PSEN1: variants seen among roughly 807,000 people sequenced by gnomAD.
The protein encoded by PSEN1 is presenilin 1.
A neutral mutation model predicts 53.5 loss-of-function variants in PSEN1; 15 were observed. The observed-to-expected ratio is 0.28, with a 90% CI of 0.19 to 0.43. The LOEUF (loss-of-function observed/expected upper bound fraction) is 0.43. Among genes scored for constraint, PSEN1 ranks in the 20% least tolerant of loss-of-function variants. PSEN1 has a pLI of 1.00. For synonymous variants in PSEN1, 208 were observed against 209.8 expected, an observed-to-expected ratio of 0.99 and a Z score of 0.08; for missense variants, 387 against 571.2, an observed-to-expected ratio of 0.68 and a Z score of 3.29.
At chr14:73,203,499 A>AG (rs1249628191) in intron 8 of PSEN1, among the ~76,000 whole-genome samples, 1 of 152,204 alleles carries the variant, frequency 6.6e-6, no homozygotes, top group Non-Finnish European at 1.5e-5. Context: ...TTTTCCCTGA[A>AG]GTGGATATAA....
chr14:73,201,239 C>T (rs973247483), intron 8 of PSEN1, among the ~76,000 whole-genome samples: 11 of 152,038 alleles, frequency 7.2e-5, no homozygotes, highest in Non-Finnish European at 1.5e-4. Context: ...AGGCACACGC[C>T]GCCACGCCCG....
chr14:73,195,723 A>G (rs1898913109), intron 7 of PSEN1, among the ~76,000 whole-genome samples: 1 of 152,048 alleles, frequency 6.6e-6, no homozygotes, highest in Non-Finnish European at 1.5e-5. Flanking sequence ...TCCCGAGTAG[A>G]TAAGACTACA....
intron 9 of PSEN1, among the ~76,000 whole-genome samples, chr14:73,209,204 G>A (rs1051100179): frequency 6.6e-6 from 1 of 152,200 alleles, no homozygotes; most frequent in African/African-American, 2.4e-5. Context: ...CACCAACTCA[G>A]AAGGGGGCAG....
chr14:73,152,979 G>A (rs1433712017), intron 3 of PSEN1, among the ~76,000 whole-genome samples: 1 of 152,184 alleles, frequency 6.6e-6, no homozygotes, highest in African/African-American at 2.4e-5. Context: ...TCACCTGGGA[G>A]GTCAAAGCTG....
At chr14:73,144,128 C>T (rs957832137) in intron 1 of PSEN1, among the ~76,000 whole-genome samples, 3 of 145,064 alleles carry the variant, frequency 2.1e-5, no homozygotes, top group Admixed American at 1.4e-4. Context: ...GCAACCTCTG[C>T]CTCCTGGGTT....
rs1021454308 is a variant in PSEN1, at chr14:73,220,332, T to C, written c.*1043T>C. On this transcript the variant is annotated 3_prime_UTR_variant, in exon 12 of 12. Transcript: ENST00000324501. ...TGCTGTCAGCCCTGCTGTCAGACCT[T>C]CTTCCACAGCAAATGAGATGTATGC... 2.0e-5 allele frequency: 3 copies of C among 152,564 alleles called. No homozygotes were observed. Among genetic ancestry groups the C allele is most frequent in the African/African-American group, 7.3e-5 (3 of 41,362 alleles). 9.5% of individuals were successfully genotyped at this position (152,564 alleles called of 1,614,324 possible).
At chr14:73,181,617 A>G (rs1053414988) in intron 5 of PSEN1, among the ~76,000 whole-genome samples, 5 of 152,218 alleles carry the variant, frequency 3.3e-5, no homozygotes, top group African/African-American at 7.2e-5. Context: ...ATATTTTCAA[A>G]TAATATTTGG....
intron 7 of PSEN1, among the ~76,000 whole-genome samples, chr14:73,193,967 T>C (rs1387601006): frequency 1.3e-5 from 2 of 152,148 alleles, no homozygotes; most frequent in East Asian, 1.9e-4. Context: ...TCAATTCACT[T>C]TTAAAATCAA....
chr14:73,214,998 G>A (rs561056495), intron 10 of PSEN1, among the ~76,000 whole-genome samples: 69 of 152,048 alleles, frequency 4.5e-4, no homozygotes, highest in African/African-American at 1.6e-3. Flanking sequence ...AATTTCGCTC[G>A]TTGCCTAGGG....
intron 11 of PSEN1, among the ~76,000 whole-genome samples, chr14:73,218,078 G>A (rs1274548257): frequency 4.2e-5 from 6 of 142,992 alleles, no homozygotes; most frequent in East Asian, 2.0e-4. Flanking sequence ...GTGAGCCACC[G>A]CACCTGGCTT....
At chr14:73,205,462 G>A (rs1417418587) in intron 8 of PSEN1, among the ~76,000 whole-genome samples, 1 of 133,554 alleles carries the variant, frequency 7.5e-6, no homozygotes, top group Non-Finnish European at 1.5e-5. Context: ...CTGGGTGACA[G>A]AGCAAGACTC....
chr14:73,214,163 A>T (rs1899814927), intron 10 of PSEN1, among the ~76,000 whole-genome samples: 3 of 151,994 alleles, frequency 2.0e-5, no homozygotes, highest in African/African-American at 7.2e-5. Context: ...GAAACAATCT[A>T]TCATTAGTAC....
At chr14:73,197,196 G>A (rs1343810329) in intron 7 of PSEN1, among the ~76,000 whole-genome samples, 1 of 152,130 alleles carries the variant, frequency 6.6e-6, no homozygotes, top group Non-Finnish European at 1.5e-5. Context: ...GCCTCCCAAA[G>A]TGCTGGGATT....
chr14:73,184,622 G>T (rs969677858), intron 5 of PSEN1, among the ~76,000 whole-genome samples: 6 of 129,662 alleles, frequency 4.6e-5, no homozygotes, highest in South Asian at 5.2e-4. Flanking sequence ...CCTCCCGGAC[G>T]GGGCGGCTGG....
chr14:73,175,258 C>T (rs1335657186), intron 5 of PSEN1, among the ~76,000 whole-genome samples: 1 of 152,158 alleles, frequency 6.6e-6, no homozygotes, highest in Non-Finnish European at 1.5e-5. Context: ...CCCCGAGTAG[C>T]TGGGATTACA....
At chr14:73,136,448 G>C (rs1433359405), upstream of PSEN1, 1 of 152,990 alleles carries the variant, frequency 6.5e-6, no homozygotes, top group Non-Finnish European at 1.5e-5. Flanking sequence ...TGACGACAAC[G>C]GTGAGGGTTC....
chr14:73,198,862 C>T (rs1899062675), intron 8 of PSEN1, among the ~76,000 whole-genome samples: 1 of 151,906 alleles, frequency 6.6e-6, no homozygotes, highest in African/African-American at 2.4e-5. Flanking sequence ...CAGCCTCGAC[C>T]TCCCAGGCTC....
At chr14:73,177,776 G>A (rs1463743999) in intron 5 of PSEN1, among the ~76,000 whole-genome samples, 6 of 152,146 alleles carry the variant, frequency 3.9e-5, no homozygotes, top group Middle Eastern at 3.4e-3. Flanking sequence ...ACATTGTTTT[G>A]TTCTGGTCAC....
chr14:73,154,931 G>T (rs971026055), intron 3 of PSEN1, among the ~76,000 whole-genome samples: 1 of 152,138 alleles, frequency 6.6e-6, no homozygotes, highest in African/African-American at 2.4e-5. Context: ...TGTATGCTGT[G>T]TTCTTTGGAG....
Sources: allele counts gnomAD v4.1 joint callset (sites outside exome capture counted in the v4.1 genomes callset), GRCh38; gene constraint gnomAD v4.1.1; transcripts MANE v1.5; gene names NCBI Gene and HGNC (gene_info 2026-07-23, HGNC 2026-07-21).